The following CIC variants were observed in gnomAD, a reference collection of about 807,000 sequenced individuals.
The protein encoded by CIC is capicua transcriptional repressor.
In CIC, 18 loss-of-function variants were observed where a neutral mutation model predicts 115.7. The ratio of observed to expected loss-of-function variants is 0.16; its 90% CI spans 0.11 to 0.23. The LOEUF (loss-of-function observed/expected upper bound fraction) is 0.23, where lower values mean the gene tolerates loss of function less well. Ranked by LOEUF, CIC falls within the 10% of genes least tolerant of loss-of-function variation. CIC has a pLI of 1.00. For synonymous variants in CIC, 1,076 were observed against 923.0 expected (o/e 1.17, Z -3.01); for missense variants, 2,000 against 2,159.3 (o/e 0.93, Z 1.46).
intron 12 of CIC, 113 bp from the exon 13 acceptor site, chr19:42,291,973 C>T (rs1418930713): frequency 2.0e-6 from 3 of 1,514,754 alleles, no homozygotes; most frequent in Non-Finnish European, 1.8e-6. Context: ...CTGTTCTCAC[C>T]CCAAGTTCTG....
chr19:42,283,783 T>C (rs952995026), intron 2 of CIC, among the ~76,000 whole-genome samples: 2 of 151,908 alleles, frequency 1.3e-5, no homozygotes, highest in African/African-American at 2.4e-5. Context: ...TCGGTGCCTT[T>C]ACTGCAGTGC....
At position 42,295,224 on chromosome 19, in the gene CIC, A is replaced by T. The variant is rs2038435568; in HGVS notation, c.*33A>T. On this transcript the variant is annotated 3_prime_UTR_variant, in exon 21 of 21. Transcript: ENST00000681038. ...CTGAGAAGATGCCAGGACTTATAGT[A>T]CCCCCTCAGGACATGGACAGTATGT... 6.6e-7 allele frequency: 1 copy of T among 1,509,246 alleles called. No individual in the cohort carries two copies. Among genetic ancestry groups the T allele is most frequent in the Non-Finnish European group, 8.8e-7 (1 of 1,130,490 alleles). The allele number at this position is 1,509,246 out of a possible 1,614,324, so 93.5% of individuals were successfully genotyped here. A position where few individuals can be genotyped will look rare whatever the true frequency, so the allele number is the denominator to read the frequency against.
chr19:42,284,182 G>T (rs973165782), intron 2 of CIC: 2 of 147,690 alleles, frequency 1.4e-5, no homozygotes, highest in African/African-American at 4.9e-5. Context: ...CGGGCCCGGG[G>T]CCCGGAAAGG....
chr19:42,274,664 C>T, intron 2 of CIC, 87 bp downstream of exon 2: 1 of 398,376 alleles, frequency 2.5e-6, no homozygotes. Flanking sequence ...GAGCTCCTCA[C>T]CTTGGGAGGG....
rs772633501 is a variant in CIC at position 42,290,978 on chromosome 19, C to A, written c.4937C>A (p.Ala1646Asp). Reference protein sequence around the residue: ...LVYSDKKSAAATSPAPHLVAG... With the variant: ...LVYSDKKSAADTSPAPHLVAG... ...TATTCGGACAAGAAGTCGGCAGCAG[C>A]CACCTCACCAGCCCCACACTTGGTG... Residue 1646 changes from alanine to aspartate, a missense_variant, in exon 11 of 21, where the codon GCC becomes GAC. Coordinates refer to ENST00000681038, the MANE Select transcript of CIC (RefSeq NM_001386298.1). 2.4e-5 allele frequency: 39 copies of A among 1,613,790 alleles called. No individual in the cohort carries two copies. The highest frequency in any genetic ancestry group is 3.2e-5 in the Non-Finnish European group (38 of 1,180,008).
Position 42,287,821 on chromosome 19 carries a change from C to T in CIC, c.3504C>T (p.Ala1168=), listed in dbSNP as rs191518667. 4.5e-5 allele frequency: 73 copies of T among 1,613,900 alleles called. No homozygotes were observed. In the East Asian group the frequency reaches 5.3e-4, roughly 12 times the overall value. The change falls in exon 7 of 21, where the codon GCC becomes GCT. Residue 1168 remains alanine, a synonymous_variant. Transcript: ENST00000681038. The surrounding 1 kb of genome is among the most constrained non-coding windows in gnomAD (Gnocchi z 8.7). ...YHDLAFQVKE[A]HFKAHPDWKW... is the part of the protein sequence containing the mutation. ...CCCTCTCCTGCCAGGTGAAGGAGGC[C>T]CACTTCAAGGCCCACCCAGATTGGA... is the stretch of plus-strand genomic sequence containing the variant.
intron 2 of CIC, among the ~76,000 whole-genome samples, chr19:42,278,719 T>C (rs1418130850): frequency 6.6e-6 from 1 of 152,228 alleles, no homozygotes; most frequent in African/African-American, 2.4e-5. Flanking sequence ...TTTAAGACAG[T>C]GGGCAGTTGC....
chr19:42,283,866 T>C (rs940085697), intron 2 of CIC, among the ~76,000 whole-genome samples: 2 of 151,196 alleles, frequency 1.3e-5, no homozygotes, highest in African/African-American at 4.9e-5. Flanking sequence ...CGCCCCGCCC[T>C]GCCCTTATTT....
In CIC at chr19:42,289,868, A is replaced by G. The variant is rs768530128; in HGVS notation, c.4108A>G (p.Thr1370Ala). 6.2e-7 allele frequency: 1 copy of G among 1,607,304 alleles called. No homozygotes were observed. The highest frequency in any genetic ancestry group is 8.5e-7 in the Non-Finnish European group (1 of 1,177,156). Residue 1370 changes from threonine (T) to alanine (A), a missense_variant, in exon 10 of 21, where the codon ACT (threonine) becomes GCT (alanine). This residue lies in a region of CIC where 1,466 missense variants were observed against 1,390.4 expected (regional missense o/e 1.05). Transcript: ENST00000681038. The stretch of plus-strand genomic sequence containing the variant: ...CTCAGCTGACGATGGCTTCGGCACC[A>G]CTGACATTGATCTCAAGTGCAAGGA... ...DVIADDGFGT[T>A]DIDLKCKERV...
In CIC at chr19:42,287,198, A is replaced by G. The variant is rs1318386549; in HGVS notation, c.3137A>G (p.Glu1046Gly). Residue 1046 changes from glutamate (E) to glycine (G), a missense_variant, in exon 4 of 21, where the codon GAG becomes GGG. Transcript: ENST00000681038. This position sits in a 1 kb window ranked among gnomAD's most constrained non-coding sequence, Gnocchi z 8.7. The stretch of plus-strand genomic sequence containing the variant: ...GAGGAGGCCTCCGGCCCCCCAGGAG[A>G]GCCCCGGCTGGACAGTGAGACAGAG... ...TEEEASGPPG[E>G]PRLDSETESD... 6.2e-7 allele frequency: 1 copy of G among 1,613,496 alleles called. No individual in the cohort carries two copies. The highest frequency in any genetic ancestry group is 1.7e-5 in the Admixed American group (1 of 59,986).
chr19:42,279,682 C>T (rs1000755989), intron 2 of CIC, among the ~76,000 whole-genome samples: 29 of 152,300 alleles, frequency 1.9e-4, no homozygotes, highest in African/African-American at 6.5e-4. Flanking sequence ...GGCTGAGAAG[C>T]TGGGGCTCTA....
At position 42,287,408 on chromosome 19, in the gene CIC, C is replaced by T. The variant is rs1011626127; in HGVS notation, c.3268C>T (p.Arg1090Trp). Reference protein sequence around the residue: ...TQSLSALPKERDSSSEKDGRS... With the variant: ...TQSLSALPKEWDSSSEKDGRS... ...GTCCCTCAGTGCCCTACCCAAGGAA[C>T]GGGACTCATCTTCTGAGAAGGATGG... Residue 1090 changes from arginine to tryptophan, a missense_variant, in exon 5 of 21, where the codon CGG (arginine) becomes TGG (tryptophan). By Grantham distance (101) the Arg-to-Trp change is moderately radical (BLOSUM62 -3). Around this residue, in one of 8 missense-constraint regions of CIC, gnomAD observed 222 missense variants for 247.7 expected, o/e 0.90. Transcript: ENST00000681038. The surrounding 1 kb of genome is among the most constrained non-coding windows in gnomAD (Gnocchi z 8.7). 6.2e-6 allele frequency: 10 copies of T among 1,614,024 alleles called. No homozygotes were observed. Among genetic ancestry groups the T allele is most frequent in the Non-Finnish European group, 7.6e-6 (9 of 1,180,018 alleles).
Position 42,291,419 on chromosome 19 carries a change from C to T in CIC, c.5378C>T (p.Pro1793Leu), listed in dbSNP as rs2147273976. ...GTCCTGGCTGCCACTGCACCCACTCCTGGCATCCCCATCCTGCAGTCTGTA... is the reference window on the plus strand; with the variant it reads ...GTCCTGGCTGCCACTGCACCCACTCTTGGCATCCCCATCCTGCAGTCTGTA... ...GKVLAATAPT[P>L]GIPILQSVPS... is the part of the protein sequence containing the mutation. The change falls in exon 11 of 21, where the codon CCT (proline) becomes CTT (leucine). Residue 1793 changes from proline (P) to leucine (L), a missense_variant. Physicochemically the swap from Pro to Leu is moderately conservative, Grantham distance 98 (BLOSUM62 -3). Around this residue, in one of 8 missense-constraint regions of CIC, gnomAD observed 1,466 missense variants for 1,390.4 expected, o/e 1.05. Coordinates refer to ENST00000681038, the MANE Select transcript of CIC (RefSeq NM_001386298.1). The T allele has an allele frequency of 6.2e-7, 1 of 1,613,022 alleles. No individual in the cohort carries two copies. Among genetic ancestry groups the T allele is most frequent in the African/African-American group, 1.3e-5 (1 of 75,044 alleles).
chr19:42,283,201 G>A (rs1243562248), intron 2 of CIC, among the ~76,000 whole-genome samples: 1 of 152,136 alleles, frequency 6.6e-6, no homozygotes, highest in African/African-American at 2.4e-5. Flanking sequence ...ACGGAGGAGT[G>A]TGTGGTTGTG....
At chr19:42,288,655 T>G (rs2037841147) in intron 7 of CIC, among the ~76,000 whole-genome samples, 1 of 152,020 alleles carries the variant, frequency 6.6e-6, no homozygotes, top group African/African-American at 2.4e-5. Context: ...GCCTCCTTAC[T>G]TTCAGGAGGG....
rs1365483512 is a variant in CIC, at chr19:42,287,897, A to T, written c.3580A>T (p.Ser1194Cys). ...KKSSSEAKPTSLGLAGGHKET... is the reference protein window; with the variant it reads ...KKSSSEAKPTCLGLAGGHKET... ...GTCCAGCTCAGAGGCCAAGCCCACGAGCCTGGGGCTGGCAGGAGGGCACAA... is the reference window on the plus strand; with the variant it reads ...GTCCAGCTCAGAGGCCAAGCCCACGTGCCTGGGGCTGGCAGGAGGGCACAA... The change falls in exon 7 of 21, where the codon AGC becomes TGC. Residue 1194 changes from serine to cysteine, a missense_variant. Transcript: ENST00000681038. This position sits in a 1 kb window ranked among gnomAD's most constrained non-coding sequence, Gnocchi z 8.7. The T allele has an allele frequency of 5.6e-6, 9 of 1,610,646 alleles. No individual in the cohort carries two copies. The highest frequency in any genetic ancestry group is 6.8e-6 in the Non-Finnish European group (8 of 1,178,562).
rs1024463669 is a variant in CIC at position 42,295,758 on chromosome 19, G to A, written c.*567G>A. On this transcript the variant is annotated 3_prime_UTR_variant, in exon 21 of 21. Transcript: ENST00000681038. ...CATGTGCAATATTTCTTACTGTGCC[G>A]AGAAGCCGCAATGAGCGAGATTAAA... The A allele has an allele frequency of 1.3e-4, 29 of 216,848 alleles. No individual in the cohort carries two copies. Among genetic ancestry groups the A allele is most frequent in the South Asian group, 1.1e-3 (6 of 5,432 alleles). 13.4% of individuals were successfully genotyped at this position (216,848 alleles called of 1,614,324 possible).
rs929078755 is a variant in CIC at position 42,290,185 on chromosome 19, A to C, written c.4192-48A>C. 6 of 1,612,644 alleles carry C rather than the reference A, an allele frequency of 3.7e-6. No homozygotes were observed. The African/African-American group carries it at 8.0e-5, about 22-fold the overall frequency. On this transcript the variant is annotated intron_variant, in intron 10 of 20. Coordinates refer to ENST00000681038, the MANE Select transcript of CIC (RefSeq NM_001386298.1). ...GGGCATGGCTAGGGGGCTGCTATCG[A>C]GGTGTCGGAGTGTCCTGACCTGGGG...
At chr19:42,277,075 G>A (rs539064755) in intron 2 of CIC, among the ~76,000 whole-genome samples, 2 of 152,300 alleles carry the variant, frequency 1.3e-5, no homozygotes, top group East Asian at 3.9e-4. Context: ...GGTGATGCAC[G>A]TGCCTGGCAC....
Sources: gnomAD v4.1 joint callset for allele counts (sites outside exome capture counted in the v4.1 genomes callset) on GRCh38, gnomAD v4.1.1 for gene constraint, gnomAD v4.1.1 regional missense constraint, Gnocchi (gnomAD v3.1) non-coding constraint, MANE v1.5 for transcripts, NCBI Gene and HGNC (gene_info 2026-07-23, HGNC 2026-07-21) for gene names.